Variants in RAPGEF3 observed in about 807,000 individuals in gnomAD.
RAPGEF3 encodes the protein 9330170P05Rik.
A neutral mutation model predicts 129.8 loss-of-function variants in RAPGEF3; 103 were observed. The ratio of observed to expected loss-of-function variants is 0.79; its 90% CI spans 0.68 to 0.93. RAPGEF3 has a LOEUF of 0.93. Among genes scored for constraint, RAPGEF3 ranks in the 40% least tolerant of loss-of-function variants. RAPGEF3 has a pLI of 0.00. For synonymous variants in RAPGEF3, 436 were observed against 482.6 expected, an observed-to-expected ratio of 0.90 and a Z score of 1.26; for missense variants, 1,117 against 1,207.4, an observed-to-expected ratio of 0.93 and a Z score of 1.11.
At position 47,748,949 on chromosome 12, in the gene RAPGEF3, T is replaced by A. The variant is rs1215071306; in HGVS notation, c.1042-18A>T. The stretch of plus-strand genomic sequence containing the variant: ...TCCACATCCTGGAGAACAGGCCACA[T>A]CCCATGCTCAACTCATGATGTTCCA... On this transcript the variant is annotated intron_variant, in intron 10 of 27. Coordinates refer to ENST00000449771, the MANE Select transcript of RAPGEF3 (RefSeq NM_001098531.4). 1.3e-6 allele frequency: 2 copies of A among 1,574,452 alleles called. No individual in the cohort carries two copies. Among genetic ancestry groups the A allele is most frequent in the Admixed American group, 1.7e-5 (1 of 59,930 alleles).
At chr12:47,741,225 CCCCTCCTT>C (rs1486723718) in intron 19 of RAPGEF3, 185 bp from the exon 20 acceptor site, 1 of 827,660 alleles carries the variant, frequency 1.2e-6, no homozygotes, top group Non-Finnish European at 1.8e-6. Flanking sequence ...AGTGCTGAGA[CCCCTCCTT>C]TTGGGCTCCT....
At chr12:47,751,870 C>T in intron 3 of RAPGEF3, 41 bp from the exon 4 acceptor site, 1 of 1,614,028 alleles carries the variant, frequency 6.2e-7, no homozygotes. Context: ...GCTCTGAACC[C>T]CTCATGGTGC....
Position 47,750,923 on chromosome 12 carries a change from G to A in RAPGEF3, c.671+125C>T, listed in dbSNP as rs1941702588. 6 of 1,386,282 alleles carry A rather than the reference G, an allele frequency of 4.3e-6. No individual in the cohort carries two copies. In the Admixed American group the frequency reaches 7.8e-5, roughly 18 times the overall value. The allele number at this position is 1,386,282 out of a possible 1,614,324, so 85.9% of individuals were successfully genotyped here. On this transcript the variant is annotated intron_variant, in intron 6 of 27. Transcript: ENST00000449771. Reference sequence around the variant, plus strand: ...GTGGCAGTCAGCGCCAGGGGCTTCTGGGCCAGCCAGGTTCCCTTCCCTCCA... The same window carrying A: ...GTGGCAGTCAGCGCCAGGGGCTTCTAGGCCAGCCAGGTTCCCTTCCCTCCA...
chr12:47,750,095 C>T (rs571746449), intron 7 of RAPGEF3, 105 bp from the exon 8 acceptor site: 5 of 1,366,372 alleles, frequency 3.7e-6, no homozygotes, highest in Middle Eastern at 1.8e-4. Context: ...TGCTGGGGGA[C>T]AAAGATGTGG....
chr12:47,748,545 A>T lies in RAPGEF3; in HGVS notation c.1155-3T>A. ...GGGTGCCAGACATCACTGTATACCTAGCAGAAATGGCCAATCTTTGGCACT... is the reference window on the plus strand; with the variant it reads ...GGGTGCCAGACATCACTGTATACCTTGCAGAAATGGCCAATCTTTGGCACT... On this transcript the variant is annotated splice_polypyrimidine_tract_variant and splice_region_variant and intron_variant, in intron 11 of 27. Coordinates refer to ENST00000449771, the MANE Select transcript of RAPGEF3 (RefSeq NM_001098531.4). The T allele has an allele frequency of 6.2e-7, 1 of 1,612,952 alleles. No individual in the cohort carries two copies. The highest frequency in any genetic ancestry group is 8.5e-7 in the Non-Finnish European group (1 of 1,179,318).
In RAPGEF3 at chr12:47,751,218, TG is replaced by T. The variant is rs1285036185; in HGVS notation, c.503-3del. On this transcript the variant is annotated splice_polypyrimidine_tract_variant and splice_region_variant and intron_variant, in intron 5 of 27. Transcript: ENST00000449771. ...CCTGGAAGGCCCAGTCGTGTTTCAC[TG>T]GGGGGCAGAGGCCCAGGCGTGGGGG... 2.6e-6 allele frequency: 4 copies of T among 1,549,364 alleles called. No individual in the cohort carries two copies. Among genetic ancestry groups the T allele is most frequent in the Admixed American group, 4.0e-5 (2 of 50,602 alleles).
At chr12:47,751,673 G>GGA in intron 4 of RAPGEF3, 50 bp downstream of exon 4, 1 of 1,604,230 alleles carries the variant, frequency 6.2e-7, no homozygotes, top group Non-Finnish European at 8.5e-7. Flanking sequence ...AAAGTGGAAC[G>GGA]GAGAGAAAGC....
chr12:47,756,814 C>T (rs1942086243), intron 2 of RAPGEF3, among the ~76,000 whole-genome samples: 1 of 151,898 alleles, frequency 6.6e-6, no homozygotes, highest in South Asian at 2.1e-4. Context: ...ACTAAAAATA[C>T]AAAAATTAGC....
intron 18 of RAPGEF3, 76 bp downstream of exon 18, chr12:47,743,454 T>G: frequency 1.1e-5 from 17 of 1,507,056 alleles, no homozygotes; most frequent in Non-Finnish European, 1.5e-5. Context: ...ATGATGACAA[T>G]GATCTTGACT....
At position 47,747,723 on chromosome 12, in the gene RAPGEF3, T is replaced by C; in HGVS notation, c.1462A>G (p.Ser488Gly). Residue 488 changes from serine to glycine, a missense_variant, in exon 14 of 28, where the codon AGC (serine) becomes GGC (glycine). Around this residue, in one of 3 missense-constraint regions of RAPGEF3, gnomAD observed 643 missense variants for 673.4 expected, o/e 0.95. Transcript: ENST00000449771. ...TCACTCCCAGGTACCTGGAGGAAGCTGGTGGCCACAGGGTCAGTGTGGAGC... is the reference window on the plus strand; with the variant it reads ...TCACTCCCAGGTACCTGGAGGAAGCCGGTGGCCACAGGGTCAGTGTGGAGC... ...SMLHTDPVATSFLQKLSDLVG... is the reference protein window; with the variant it reads ...SMLHTDPVATGFLQKLSDLVG... 6.2e-7 allele frequency: 1 copy of C among 1,610,898 alleles called. No individual in the cohort carries two copies. The highest frequency in any genetic ancestry group is 8.5e-7 in the Non-Finnish European group (1 of 1,179,506).
rs758260500 is a variant in RAPGEF3, at chr12:47,749,978, A to T, written c.769T>A (p.Leu257Ile). 6.2e-7 allele frequency: 1 copy of T among 1,614,244 alleles called. No individual in the cohort carries two copies. Among genetic ancestry groups the T allele is most frequent in the South Asian group, 1.1e-5 (1 of 91,088 alleles). Residue 257 changes from leucine (L) to isoleucine (I), a missense_variant, in exon 8 of 28, where the codon TTA (leucine) becomes ATA (isoleucine). Around this residue, in one of 3 missense-constraint regions of RAPGEF3, gnomAD observed 367 missense variants for 373.4 expected, o/e 0.98. Coordinates refer to ENST00000449771, the MANE Select transcript of RAPGEF3 (RefSeq NM_001098531.4). This position sits in a 1 kb window ranked among gnomAD's most constrained non-coding sequence, Gnocchi z 4.5. ...AHLSNSVKRE[L>I]AAVLLFEPHS... ...GGTTCAAAGAGCAGAACAGCCGCTA[A>T]TTCTCGCTTCACCTGTGTGGTGGAG...
chr12:47,752,046 C>T (rs1565765770), intron 2 of RAPGEF3, 77 bp from the exon 3 acceptor site: 2 of 1,494,040 alleles, frequency 1.3e-6, no homozygotes, highest in Middle Eastern at 1.7e-4. Context: ...CCTCCCCCAT[C>T]ACTCCCACTC....
intron 2 of RAPGEF3, among the ~76,000 whole-genome samples, chr12:47,756,842 A>G (rs992668995): frequency 6.6e-6 from 1 of 151,966 alleles, no homozygotes; most frequent in Admixed American, 6.6e-5. Flanking sequence ...GGTGGCGCAC[A>G]CCTGTAGCCC....
Position 47,734,784 on chromosome 12 carries a change from G to C in RAPGEF3, c.*2783C>G, listed in dbSNP as rs1940748695. On this transcript the variant is annotated 3_prime_UTR_variant, in exon 28 of 28. Coordinates refer to ENST00000449771, the MANE Select transcript of RAPGEF3 (RefSeq NM_001098531.4). ...AGCCATAAGGCAGCGTGTGAAGGCAGACATGCCCCCACCCAGCTCTAACTC... is the reference window on the plus strand; with the variant it reads ...AGCCATAAGGCAGCGTGTGAAGGCACACATGCCCCCACCCAGCTCTAACTC... The C allele has an allele frequency of 6.6e-6, 1 of 152,302 alleles. No individual in the cohort carries two copies. Among genetic ancestry groups the C allele is most frequent in the Admixed American group, 6.5e-5 (1 of 15,292 alleles). The allele number at this position is 152,302 out of a possible 1,614,324, so 9.4% of individuals were successfully genotyped here.
At chr12:47,741,692 C>T (rs1400469661) in intron 18 of RAPGEF3, 90 bp from the exon 19 acceptor site, 2 of 1,112,924 alleles carry the variant, frequency 1.8e-6, no homozygotes, top group Non-Finnish European at 2.7e-6. Context: ...GTTTGGGAGG[C>T]TGAGAGGTTG....
In RAPGEF3 at chr12:47,751,503, C is replaced by T. The variant is rs147802510; in HGVS notation, c.398G>A (p.Arg133Gln). 2.4e-4 allele frequency: 389 copies of T among 1,614,200 alleles called. 1 individual carries two copies. The African/African-American group carries it at 4.8e-3, about 20-fold the overall frequency. The change falls in exon 5 of 28, where the codon CGG becomes CAG. Residue 133 changes from arginine (R) to glutamine (Q), a missense_variant. Physicochemically the swap from Arg to Gln is conservative, Grantham distance 43. Coordinates refer to ENST00000449771, the MANE Select transcript of RAPGEF3 (RefSeq NM_001098531.4). ...GGCCAAGATCCCATCCACCAGCTCC[C>T]GGCCAGAGCAGCACTGCCTATGGAA... ...LRLYRQCCSG[R>Q]ELVDGILALG...
At chr12:47,747,069 C>G (rs1251484550) in intron 15 of RAPGEF3, among the ~76,000 whole-genome samples, 170 bp from the exon 16 acceptor site, 1 of 152,116 alleles carries the variant, frequency 6.6e-6, no homozygotes, top group Non-Finnish European at 1.5e-5. Flanking sequence ...AACCAGGCCC[C>G]CAGACTTTGT....
At position 47,740,686 on chromosome 12, in the gene RAPGEF3, G is replaced by T; in HGVS notation, c.2187C>A (p.Gly729=). ...ATELCLCPVP[G]PRAQLLRKFI... ...ACTTCCTGAGCAGCTGGGCCCGGGG[G>T]CCGGGCACGGGGCAGAGACACAGCT... is the stretch of plus-strand genomic sequence containing the variant. Residue 729 remains glycine, a synonymous_variant, in exon 21 of 28, where the codon GGC becomes GGA. Transcript: ENST00000449771. 1.2e-6 allele frequency: 2 copies of T among 1,613,880 alleles called. No homozygotes were observed. Among genetic ancestry groups the T allele is most frequent in the African/African-American group, 1.3e-5 (1 of 75,046 alleles).
intron 23 of RAPGEF3, chr12:47,739,693 A>C (rs1592535353): frequency 2.8e-6 from 1 of 355,368 alleles, no homozygotes; most frequent in Non-Finnish European, 5.3e-6. Flanking sequence ...GGGAGGTTCC[A>C]CCCCCAACTC....
Sources: allele counts gnomAD v4.1 joint callset (sites outside exome capture counted in the v4.1 genomes callset), GRCh38; gene constraint gnomAD v4.1.1; regional missense constraint gnomAD v4.1.1; non-coding constraint Gnocchi (gnomAD v3.1); transcripts MANE v1.5; gene names NCBI Gene and HGNC (gene_info 2026-07-23, HGNC 2026-07-21).